VAPB: variants seen among roughly 807,000 people sequenced by gnomAD.
VAPB encodes the protein vesicle-associated membrane protein-associated protein B/C.
In VAPB, 7 loss-of-function variants were observed where a neutral mutation model predicts 25.6. The observed-to-expected ratio is 0.27, with a 90% CI of 0.16 to 0.51. The LOEUF (loss-of-function observed/expected upper bound fraction) is 0.51. Ranked by LOEUF, VAPB falls within the 20% of genes least tolerant of loss-of-function variation. The pLI is 0.97. For synonymous variants in VAPB, 112 were observed against 109.2 expected, an observed-to-expected ratio of 1.03 and a Z score of -0.16; for missense variants, 266 against 301.3, an observed-to-expected ratio of 0.88 and a Z score of 0.87.
intron 1 of VAPB, among the ~76,000 whole-genome samples, chr20:58,394,125 A>T (rs531702935): frequency 6.6e-6 from 1 of 152,202 alleles, no homozygotes; most frequent in Non-Finnish European, 1.5e-5. Context: ...TAGTCCTGCC[A>T]TTAGTAGGGA....
chr20:58,392,902 G>C (rs556828437), intron 1 of VAPB, among the ~76,000 whole-genome samples: 8 of 152,310 alleles, frequency 5.3e-5, no homozygotes, highest in African/African-American at 1.9e-4. Context: ...AATATCAAAA[G>C]GAGAAAGCCT....
At chr20:58,428,083 C>G (rs1988847011) in intron 2 of VAPB, among the ~76,000 whole-genome samples, 1 of 152,174 alleles carries the variant, frequency 6.6e-6, no homozygotes, top group South Asian at 2.1e-4. Context: ...CATTTAACTG[C>G]ATTTAATCAA....
intron 1 of VAPB, among the ~76,000 whole-genome samples, chr20:58,410,814 C>T (rs1051033397): frequency 1.6e-4 from 24 of 152,346 alleles, no homozygotes; most frequent in African/African-American, 5.8e-4. Flanking sequence ...TTCATACTGA[C>T]TGCTTTCACT....
chr20:58,407,511 TA>T (rs1238775022), intron 1 of VAPB, among the ~76,000 whole-genome samples: 2 of 152,188 alleles, frequency 1.3e-5, no homozygotes, highest in African/African-American at 4.8e-5. Flanking sequence ...ACAGATAATA[TA>T]AATACCCCAG....
chr20:58,414,545 C>T (rs983086934), intron 1 of VAPB, among the ~76,000 whole-genome samples: 12 of 151,568 alleles, frequency 7.9e-5, no homozygotes, highest in African/African-American at 1.5e-4. Context: ...ACCTCCCAGA[C>T]GGGGTCGTGG....
chr20:58,395,928 CTG>C (rs1186457893), intron 1 of VAPB, among the ~76,000 whole-genome samples: 2 of 152,146 alleles, frequency 1.3e-5, no homozygotes, highest in African/African-American at 4.8e-5. Flanking sequence ...AACAAAATAA[CTG>C]AATGTGGTAA....
chr20:58,410,187 A>T (rs1392084001), intron 1 of VAPB, among the ~76,000 whole-genome samples: 4 of 152,204 alleles, frequency 2.6e-5, no homozygotes, highest in Non-Finnish European at 5.9e-5. Flanking sequence ...ACTGAGAGGT[A>T]CATTGGTTAC....
At chr20:58,396,128 A>AT (rs1422073320) in intron 1 of VAPB, among the ~76,000 whole-genome samples, 6 of 152,130 alleles carry the variant, frequency 3.9e-5, no homozygotes, top group South Asian at 2.1e-4. Flanking sequence ...TTTTAATAAC[A>AT]TTTTTTTATT....
chr20:58,439,117 A>G (rs991497944), intron 4 of VAPB, 92 bp downstream of exon 4: 6 of 1,249,792 alleles, frequency 4.8e-6, no homozygotes, highest in Non-Finnish European at 5.8e-6. Flanking sequence ...TAAGTTGGCA[A>G]ATTATTTTCC....
intron 2 of VAPB, among the ~76,000 whole-genome samples, chr20:58,429,710 A>C (rs1048372718): frequency 2.6e-5 from 4 of 152,240 alleles, no homozygotes; most frequent in African/African-American, 7.2e-5. Flanking sequence ...CGAAAACTCA[A>C]GACCTGGTTT....
chr20:58,441,381 C>T (rs1989158684), intron 5 of VAPB, among the ~76,000 whole-genome samples: 1 of 152,228 alleles, frequency 6.6e-6, no homozygotes, highest in African/African-American at 2.4e-5. Context: ...GTGGCTCACG[C>T]CTGTAATCCC....
At chr20:58,434,519 A>C in intron 2 of VAPB, 83 bp from the exon 3 acceptor site, 1 of 780,594 alleles carries the variant, frequency 1.3e-6, no homozygotes, top group African/African-American at 1.7e-5. Flanking sequence ...AAATTGCTTT[A>C]CAACCAAAGT....
chr20:58,407,376 A>G (rs945341364), intron 1 of VAPB, among the ~76,000 whole-genome samples: 1 of 152,226 alleles, frequency 6.6e-6, no homozygotes, highest in Non-Finnish European at 1.5e-5. Context: ...AGGCTGGTTT[A>G]TCAGTTTTCA....
At position 58,441,059 on chromosome 20, in the gene VAPB, A is replaced by G. The variant is rs1989149677; in HGVS notation, c.549A>G (p.Leu183=). 6.2e-7 allele frequency: 1 copy of G among 1,614,100 alleles called. No individual in the cohort carries two copies. Among genetic ancestry groups the G allele is most frequent in the Non-Finnish European group, 8.5e-7 (1 of 1,179,976 alleles). Residue 183 remains leucine, a synonymous_variant, in exon 5 of 6, where the codon CTA becomes CTG. Coordinates refer to ENST00000475243, the MANE Select transcript of VAPB (RefSeq NM_004738.5). ...GGCTGCAAGGTGAAGTTCAGAGGCT[A>G]CGGGAGGAGAACAAGCAGTTCAAGG... The part of the protein sequence containing the change: ...CKRLQGEVQR[L]REENKQFKEE...
At chr20:58,436,400 C>T (rs1182357197) in intron 3 of VAPB, among the ~76,000 whole-genome samples, 1 of 133,806 alleles carries the variant, frequency 7.5e-6, no homozygotes, top group Non-Finnish European at 1.5e-5. Context: ...GTGGAGTGAT[C>T]TCAGCTCGCT....
intron 1 of VAPB, among the ~76,000 whole-genome samples, chr20:58,415,762 T>C (rs79606634): frequency 0.057 from 8,628 of 152,258 alleles, 385 homozygotes; most frequent in Non-Finnish European, 0.085. Flanking sequence ...TTTTATGAAA[T>C]GAAAGTGACT....
intron 1 of VAPB, among the ~76,000 whole-genome samples, chr20:58,399,867 C>A (rs1988054881): frequency 6.6e-6 from 1 of 152,168 alleles, no homozygotes; most frequent in African/African-American, 2.4e-5. Flanking sequence ...TCCACCACCC[C>A]ACTCTCTGCT....
At chr20:58,419,104 G>A (rs1019408577) in intron 2 of VAPB, among the ~76,000 whole-genome samples, 1 of 152,236 alleles carries the variant, frequency 6.6e-6, no homozygotes, top group Non-Finnish European at 1.5e-5. Flanking sequence ...AGAAGGAGCT[G>A]TGGGGGAGTG....
intron 2 of VAPB, among the ~76,000 whole-genome samples, chr20:58,426,657 G>T (rs1254237402): frequency 1.3e-5 from 2 of 152,178 alleles, no homozygotes; most frequent in Admixed American, 6.5e-5. Context: ...TTAGGAAATA[G>T]TTACTCTTAT....
Sources: allele counts gnomAD v4.1 joint callset (sites outside exome capture counted in the v4.1 genomes callset), GRCh38; gene constraint gnomAD v4.1.1; transcripts MANE v1.5; gene names NCBI Gene and HGNC (gene_info 2026-07-23, HGNC 2026-07-21).